Variants in ZNF804B observed in about 807,000 individuals in gnomAD.
ZNF804B encodes zinc finger 804B.
ZNF804B carries 80 observed loss-of-function variants against 101.4 expected under a neutral mutation model. That is an observed-to-expected ratio of 0.79 (90% confidence interval 0.66 to 0.95). ZNF804B has a LOEUF of 0.95. Among genes scored for constraint, ZNF804B ranks in the 40% least tolerant of loss-of-function variants. The pLI is 0.00. For missense variants in ZNF804B, 1,673 were observed against 1,561.9 expected (o/e 1.07, Z -1.20); for synonymous variants, 622 against 558.8 (o/e 1.11, Z -1.59).
At chr7:88,980,457 C>T (rs1793679653) in intron 1 of ZNF804B, among the ~76,000 whole-genome samples, 1 of 152,108 alleles carries the variant, frequency 6.6e-6, no homozygotes. Flanking sequence ...GGAAGGTTTT[C>T]CAAATACTCA....
At chr7:88,834,015 T>C (rs943293866) in intron 1 of ZNF804B, among the ~76,000 whole-genome samples, 1 of 151,820 alleles carries the variant, frequency 6.6e-6, no homozygotes, top group African/African-American at 2.4e-5. Context: ...GGGGCTAGTT[T>C]TCAGCATCTA....
At chr7:88,835,359 A>G (rs1435687130) in intron 1 of ZNF804B, among the ~76,000 whole-genome samples, 1 of 151,862 alleles carries the variant, frequency 6.6e-6, no homozygotes, top group African/African-American at 2.4e-5. Flanking sequence ...AAAAAAGGGG[A>G]ACCAGGCCTT....
chr7:89,050,253 G>A (rs1286524211), intron 1 of ZNF804B, among the ~76,000 whole-genome samples: 1 of 152,066 alleles, frequency 6.6e-6, no homozygotes, highest in Non-Finnish European at 1.5e-5. Context: ...CATTAATGCA[G>A]CATCATGAAC....
At chr7:89,076,215 T>C (rs185046150) in intron 1 of ZNF804B, among the ~76,000 whole-genome samples, 153 of 152,304 alleles carry the variant, frequency 1.0e-3, no homozygotes, top group African/African-American at 3.6e-3. Flanking sequence ...GGGGTGGAAT[T>C]ATATGGTTTG....
At chr7:89,035,888 CATTAT>C (rs1407100983) in intron 1 of ZNF804B, among the ~76,000 whole-genome samples, 5 of 143,266 alleles carry the variant, frequency 3.5e-5, no homozygotes, top group African/African-American at 1.3e-4. Flanking sequence ...TATTCATATA[CATTAT>C]ATTATTATAT....
chr7:89,218,175 C>T lies in ZNF804B; in HGVS notation c.129C>T (p.Ser43=), dbSNP rs751603983. 4.3e-6 allele frequency: 7 copies of T among 1,612,184 alleles called. No individual in the cohort carries two copies. In the African/African-American group the frequency reaches 5.3e-5, roughly 12 times the overall value. ...TAAAGGATTTTGCAGAAAAGAAGTCCACAGCAAAGGCCCTGGAAGATGTAA... is the reference window on the plus strand; with the variant it reads ...TAAAGGATTTTGCAGAAAAGAAGTCTACAGCAAAGGCCCTGGAAGATGTAA... ...SPSPDFAEKK[S]TAKALEDVKA... is the part of the protein sequence containing the mutation. Residue 43 remains serine (S), a synonymous_variant, in exon 2 of 4, where the codon TCC becomes TCT. Transcript: ENST00000333190.
At chr7:89,146,021 G>A (rs1790786904) in intron 1 of ZNF804B, among the ~76,000 whole-genome samples, 1 of 151,974 alleles carries the variant, frequency 6.6e-6, no homozygotes, top group Admixed American at 6.6e-5. Flanking sequence ...TCCAAATAAA[G>A]AGATCATTGA....
At chr7:88,834,001 A>C (rs1010813380) in intron 1 of ZNF804B, among the ~76,000 whole-genome samples, 1 of 151,968 alleles carries the variant, frequency 6.6e-6, no homozygotes, top group African/African-American at 2.4e-5. Context: ...TCTTATCCAG[A>C]AATGGGGCTA....
chr7:88,956,486 T>A (rs1793311247), intron 1 of ZNF804B, among the ~76,000 whole-genome samples: 1 of 151,524 alleles, frequency 6.6e-6, no homozygotes, highest in South Asian at 2.1e-4. Flanking sequence ...ATAGCAATAA[T>A]AATGTTTATG....
At chr7:89,102,441 G>A (rs557504836) in intron 1 of ZNF804B, among the ~76,000 whole-genome samples, 14 of 152,098 alleles carry the variant, frequency 9.2e-5, no homozygotes, top group Non-Finnish European at 1.5e-4. Flanking sequence ...GGTTAGTAAT[G>A]TTGAGCGTTT....
intron 1 of ZNF804B, among the ~76,000 whole-genome samples, chr7:88,962,381 T>C (rs1311466899): frequency 1.3e-5 from 2 of 151,142 alleles, no homozygotes; most frequent in African/African-American, 4.8e-5. Flanking sequence ...GCATTGCTAT[T>C]CAGGTTTCTG....
At chr7:89,282,027 C>G (rs965422520) in intron 2 of ZNF804B, among the ~76,000 whole-genome samples, 2 of 151,686 alleles carry the variant, frequency 1.3e-5, no homozygotes, top group Non-Finnish European at 2.9e-5. Context: ...CGGTGAAACC[C>G]CGTCTCTACT....
chr7:89,177,750 CTAA>C (rs1419567976), intron 1 of ZNF804B, among the ~76,000 whole-genome samples: 2 of 152,024 alleles, frequency 1.3e-5, no homozygotes, highest in East Asian at 3.9e-4. Context: ...CTCTTTGGCT[CTAA>C]TAATATTTGC....
At chr7:88,764,706 G>A (rs1789954643) in intron 1 of ZNF804B, among the ~76,000 whole-genome samples, 1 of 152,046 alleles carries the variant, frequency 6.6e-6, no homozygotes, top group African/African-American at 2.4e-5. Context: ...TATAATATCT[G>A]ACTGTGTATA....
At chr7:89,157,296 T>C (rs529849889) in intron 1 of ZNF804B, among the ~76,000 whole-genome samples, 149 of 152,242 alleles carry the variant, frequency 9.8e-4, no homozygotes, top group Middle Eastern at 3.4e-3. Flanking sequence ...CAAAAGAAAA[T>C]GTCAAGGTCT....
intron 1 of ZNF804B, among the ~76,000 whole-genome samples, chr7:88,823,351 T>C (rs923956867): frequency 6.6e-6 from 1 of 152,146 alleles, no homozygotes; most frequent in African/African-American, 2.4e-5. Context: ...CTTGCACAGG[T>C]ATAAACAGCC....
Position 89,334,675 on chromosome 7 carries a change from G to T in ZNF804B, c.1693G>T (p.Glu565Ter). The T allele has an allele frequency of 6.2e-7, 1 of 1,613,610 alleles. No individual in the cohort carries two copies. Among genetic ancestry groups the T allele is most frequent in the Non-Finnish European group, 8.5e-7 (1 of 1,179,782 alleles). The change falls in exon 4 of 4, where the codon GAA becomes TAA. Residue 565 changes from glutamate (E) to a stop codon, truncating the protein, a stop_gained. Coordinates refer to ENST00000333190, the MANE Select transcript of ZNF804B (RefSeq NM_181646.5). LOFTEE classifies it high-confidence loss of function. ...DYSDSEPNKS[E>*]YTFSANDLEM... Reference sequence around the variant, plus strand: ...CAGTGATTCTGAGCCAAATAAGAGTGAATATACTTTCAGTGCAAATGATTT... The same window carrying T: ...CAGTGATTCTGAGCCAAATAAGAGTTAATATACTTTCAGTGCAAATGATTT...
chr7:88,764,578 A>G (rs1377155470), intron 1 of ZNF804B, among the ~76,000 whole-genome samples: 1 of 152,194 alleles, frequency 6.6e-6, no homozygotes, highest in Non-Finnish European at 1.5e-5. Flanking sequence ...ATGTATATCT[A>G]TAAATGAAAG....
chr7:89,030,894 GT>G (rs1788821329), intron 1 of ZNF804B, among the ~76,000 whole-genome samples: 1 of 151,894 alleles, frequency 6.6e-6, no homozygotes, highest in Non-Finnish European at 1.5e-5. Flanking sequence ...GTATTATTCA[GT>G]TTCTTGGTGA....
Sources: gnomAD v4.1 joint callset for allele counts (sites outside exome capture counted in the v4.1 genomes callset) on GRCh38, gnomAD v4.1.1 for gene constraint, MANE v1.5 for transcripts, NCBI Gene and HGNC (gene_info 2026-07-23, HGNC 2026-07-21) for gene names.